CIB1: variants seen among roughly 807,000 people sequenced by gnomAD.
The protein encoded by CIB1 is calcium and integrin-binding protein 1.
CIB1 carries 19 observed loss-of-function variants against 25.0 expected under a neutral mutation model. The observed-to-expected ratio is 0.76, with a 90% confidence interval of 0.53 to 1.12. The LOEUF (loss-of-function observed/expected upper bound fraction) is 1.12. Ranked by LOEUF, CIB1 falls within the 50% of genes most tolerant of loss-of-function variation. CIB1 has a pLI of 0.00. For missense variants in CIB1, 236 were observed against 242.6 expected, an observed-to-expected ratio of 0.97 and a Z score of 0.18; for synonymous variants, 104 against 98.5, an observed-to-expected ratio of 1.06 and a Z score of -0.33.
the CIB1 span, chr15:90,261,918 G>T: frequency 1.8e-6 from 2 of 1,103,952 alleles, no homozygotes; most frequent in Non-Finnish European, 2.4e-6. Flanking sequence ...AAGCCAGCAG[G>T]AGGGTCTCCA....
chr15:90,254,501 A>AAAAAAAAAG, the CIB1 span, among the ~76,000 whole-genome samples: 1 of 148,264 alleles, frequency 6.7e-6, no homozygotes, highest in East Asian at 2.0e-4. Context: ...TAAAAAAAAA[A>AAAAAAAAAG]AAAAAAAAAG....
upstream of CIB1, among the ~76,000 whole-genome samples, chr15:90,235,129 T>C (rs1299091603): frequency 1.3e-5 from 2 of 152,202 alleles, no homozygotes; most frequent in Non-Finnish European, 2.9e-5. Context: ...TCAGTCCCTC[T>C]TCCATCTCAT....
At chr15:90,247,690 C>A in the CIB1 span, among the ~76,000 whole-genome samples, 1 of 151,138 alleles carries the variant, frequency 6.6e-6, no homozygotes, top group Non-Finnish European at 1.5e-5. Context: ...GGAAAGAAGG[C>A]ATATGCAGAT....
At chr15:90,257,709 G>A in the CIB1 span, 2 of 1,614,176 alleles carry the variant, frequency 1.2e-6, no homozygotes, top group Non-Finnish European at 1.7e-6. Flanking sequence ...GGATGGCGCT[G>A]TGGGCAGTAA....
chr15:90,262,006 G>C, the CIB1 span: 17 of 1,531,276 alleles, frequency 1.1e-5, no homozygotes, highest in East Asian at 4.2e-4. Flanking sequence ...CTTTCCACAG[G>C]AAAGAAAAAA....
the CIB1 span, chr15:90,263,261 G>C: frequency 1.0e-6 from 1 of 957,282 alleles, no homozygotes; most frequent in Non-Finnish European, 1.5e-6. Context: ...GTGGAGCCTG[G>C]GAAAGCAGAG....
intron 3 of CIB1, 41 bp downstream of exon 3, chr15:90,232,178 G>A: frequency 6.7e-7 from 1 of 1,489,488 alleles, no homozygotes. Flanking sequence ...TAGCAGGGAG[G>A]GAGTGGTGGG....
the CIB1 span, chr15:90,258,046 C>G: frequency 6.2e-7 from 1 of 1,613,864 alleles, no homozygotes; most frequent in Non-Finnish European, 8.5e-7. Context: ...AGGAAGCTGT[C>G]GACACTCAAC....
chr15:90,240,909 A>G, the CIB1 span: 358 of 1,611,038 alleles, frequency 2.2e-4, 2 homozygotes, highest in South Asian at 3.4e-3. Flanking sequence ...GGTCAGCTCT[A>G]TGGCTCTTCC....
the CIB1 span, among the ~76,000 whole-genome samples, chr15:90,253,044 C>T: frequency 2.5e-3 from 381 of 152,220 alleles, 2 homozygotes; most frequent in Middle Eastern, 0.017. Flanking sequence ...CTAGTTTTCT[C>T]TGCTAGGTAT....
intron 2 of CIB1, 46 bp from the exon 3 acceptor site, chr15:90,232,373 C>T: frequency 1.9e-6 from 3 of 1,556,234 alleles, no homozygotes; most frequent in East Asian, 4.6e-5. Context: ...GATCGGTCTC[C>T]CTGTGTGTTC....
the CIB1 span, chr15:90,255,614 T>C: frequency 6.5e-6 from 8 of 1,222,952 alleles, no homozygotes; most frequent in Non-Finnish European, 9.4e-6. Context: ...ATGTTTGCCC[T>C]TGGGGTCCTT....
chr15:90,257,516 G>A, the CIB1 span: 1 of 1,045,352 alleles, frequency 9.6e-7, no homozygotes, highest in Non-Finnish European at 1.4e-6. Context: ...GCAGTCCTCT[G>A]GTGGAGAGAG....
the CIB1 span, among the ~76,000 whole-genome samples, chr15:90,249,289 C>T: frequency 6.6e-6 from 1 of 151,314 alleles, no homozygotes; most frequent in Non-Finnish European, 1.5e-5. Flanking sequence ...TATGCTTGGC[C>T]AAATTCCTTG....
chr15:90,230,348 C>T lies in CIB1; in HGVS notation c.*136G>A, dbSNP rs1342782993. The stretch of plus-strand genomic sequence containing the variant: ...CCTGACAACGAGGGCCGCCCCTGCC[C>T]GGGGTGAGGCTGCACAGCGCCAGCT... On this transcript the variant is annotated 3_prime_UTR_variant, in exon 7 of 7. Coordinates refer to ENST00000328649, the MANE Select transcript of CIB1 (RefSeq NM_006384.4). 9.0e-6 allele frequency: 9 copies of T among 1,003,264 alleles called. No individual in the cohort carries two copies. The highest frequency in any genetic ancestry group is 4.9e-5 in the African/African-American group (3 of 61,374). 62.1% of individuals were successfully genotyped at this position (1,003,264 alleles called of 1,614,324 possible). A position where few individuals can be genotyped will look rare whatever the true frequency, so the allele number is the denominator to read the frequency against.
the CIB1 span, chr15:90,258,786 A>G: frequency 6.2e-7 from 1 of 1,614,190 alleles, no homozygotes; most frequent in Non-Finnish European, 8.5e-7. Flanking sequence ...TGCCTTGATC[A>G]AGAAGTAAAG....
chr15:90,242,177 T>A, the CIB1 span: 4 of 846,656 alleles, frequency 4.7e-6, no homozygotes, highest in South Asian at 1.8e-5. Context: ...AGCCTCCACC[T>A]CTGGGGCTGA....
chr15:90,255,859 C>A, the CIB1 span: 1 of 1,614,150 alleles, frequency 6.2e-7, no homozygotes, highest in Non-Finnish European at 8.5e-7. Flanking sequence ...ACAACATCTT[C>A]CCCCGCACCT....
chr15:90,260,850 C>CA, the CIB1 span, among the ~76,000 whole-genome samples: 5,481 of 59,728 alleles, frequency 0.092, 343 homozygotes, highest in East Asian at 0.29. Flanking sequence ...GACTCTGTCT[C>CA]AAAAAAAAAA....
Sources: allele counts gnomAD v4.1 joint callset (sites outside exome capture counted in the v4.1 genomes callset), GRCh38; gene constraint gnomAD v4.1.1; transcripts MANE v1.5; gene names NCBI Gene and HGNC (gene_info 2026-07-23, HGNC 2026-07-21).